RASSF1: variants seen among roughly 807,000 people sequenced by gnomAD.
The protein encoded by RASSF1 is ras association domain-containing protein 1.
Under a neutral mutation model 34.3 loss-of-function variants are expected in RASSF1, and 33 were observed. The observed-to-expected ratio is 0.96, with a 90% CI of 0.73 to 1.29. The LOEUF is 1.29. RASSF1 is among the 50% of genes most tolerant of loss of function. The probability of loss-of-function intolerance (pLI) is 0.00; values close to 1 mark genes in which losing one functional copy is unlikely to be tolerated. For missense variants in RASSF1, 445 were observed against 471.8 expected (o/e 0.94, Z 0.53); for synonymous variants, 191 against 195.0 (o/e 0.98, Z 0.17).
Position 50,337,463 on chromosome 3 carries a change from G to A in RASSF1, c.357+442C>T, listed in dbSNP as rs1200561420. The A allele has an allele frequency of 2.6e-6, 4 of 1,561,384 alleles. No individual in the cohort carries two copies. In the African/African-American group the frequency reaches 4.0e-5, roughly 16 times the overall value. Reference sequence around the variant, plus strand: ...AACCGTTAAGACTGAAACGTAGATCGCCGGGATCTAGCTCTTGTCTCATTG... The same window carrying A: ...AACCGTTAAGACTGAAACGTAGATCACCGGGATCTAGCTCTTGTCTCATTG... On this transcript the variant is annotated intron_variant, in intron 2 of 5. Coordinates refer to ENST00000359365, the MANE Select transcript of RASSF1 (RefSeq NM_007182.5).
chr3:50,330,724 C>T lies in RASSF1; in HGVS notation c.880G>A (p.Asp294Asn). Residue 294 changes from aspartate (D) to asparagine (N), a missense_variant, in exon 6 of 6, where the codon GAC becomes AAC. Transcript: ENST00000359365. This position sits in a 1 kb window ranked among gnomAD's most constrained non-coding sequence, Gnocchi z 4.5. Reference protein sequence around the residue: ...KENDSGEVNWDAFSMPELHNF... With the variant: ...KENDSGEVNWNAFSMPELHNF... ...TGTAGTTCAGGCATGCTGAAGGCGT[C>T]CCACTGCAAGGGGCAAAAGGGGAGT... The T allele has an allele frequency of 6.2e-7, 1 of 1,613,834 alleles. No individual in the cohort carries two copies.
chr3:50,340,707 G>T lies in RASSF1; in HGVS notation c.99C>A (p.Arg33=). ...RTRLERANAL[R]IARGTACNPT... is the part of the protein sequence containing the mutation. ...GGTTGCACGCGGTGCCCCGCGCGATGCGCAGCGCGTTGGCACGCTCCAGCC... is the reference window on the plus strand; with the variant it reads ...GGTTGCACGCGGTGCCCCGCGCGATTCGCAGCGCGTTGGCACGCTCCAGCC... The change falls in exon 1 of 6, where the codon CGC becomes CGA. Residue 33 remains arginine (R), a synonymous_variant. Coordinates refer to ENST00000359365, the MANE Select transcript of RASSF1 (RefSeq NM_007182.5). 6.5e-7 allele frequency: 1 copy of T among 1,528,176 alleles called. No individual in the cohort carries two copies. 94.7% of individuals were successfully genotyped at this position (1,528,176 alleles called of 1,614,324 possible).
chr3:50,331,738 C>T lies in RASSF1; in HGVS notation c.581G>A (p.Arg194Gln), dbSNP rs142284228. 133 of 1,611,582 alleles carry T rather than the reference C, an allele frequency of 8.3e-5. No homozygotes were observed. The highest frequency in any genetic ancestry group is 1.1e-4 in the Non-Finnish European group (124 of 1,178,166). The change falls in exon 4 of 6, where the codon CGG (arginine) becomes CAG (glutamine). Residue 194 changes from arginine (R) to glutamine (Q), a missense_variant. By Grantham distance (43) the Arg-to-Gln change is conservative (BLOSUM62 1). Coordinates refer to ENST00000359365, the MANE Select transcript of RASSF1 (RefSeq NM_007182.5). ...SLQDARRGPGRGTSVRRRTSF... is the reference protein window; with the variant it reads ...SLQDARRGPGQGTSVRRRTSF... ...AGTGCGGCGCCTGACACTTGTGCCC[C>T]GTCCTGGGCCCCGCCGGGCATCCTG...
chr3:50,332,396 A>C (rs587705097), intron 2 of RASSF1, among the ~76,000 whole-genome samples: 8 of 152,342 alleles, frequency 5.3e-5, no homozygotes, highest in African/African-American at 1.9e-4. Context: ...CTCAGCACTG[A>C]ATGTAGCCTT....
chr3:50,337,974 G>C lies in RASSF1; in HGVS notation c.288C>G (p.Leu96=). ...KFTCHYRCRA[L]VCLDCCGPRD... is the part of the protein sequence containing the mutation. ...GGGGCCCGCAACAGTCCAGGCAGAC[G>C]AGCGCGCGGCAGCGGTAGTGGCAGG... Residue 96 remains leucine (L), a synonymous_variant, in exon 2 of 6, where the codon CTC becomes CTG. Transcript: ENST00000359365. 1 of 1,608,846 alleles carries C rather than the reference G, an allele frequency of 6.2e-7. No homozygotes were observed. Among genetic ancestry groups the C allele is most frequent in the Non-Finnish European group, 8.5e-7 (1 of 1,177,798 alleles).
rs1172746029 is a variant in RASSF1, at chr3:50,340,760, C to T, written c.46G>A (p.Ala16Thr). The T allele has an allele frequency of 2.0e-6, 3 of 1,512,024 alleles. No homozygotes were observed. The highest frequency in any genetic ancestry group is 2.8e-5 in the East Asian group (1 of 36,048). 93.7% of individuals were successfully genotyped at this position (1,512,024 alleles called of 1,614,324 possible). Reference protein sequence around the residue: ...ELIELRELAPAGRAGKGRTRL... With the variant: ...ELIELRELAPTGRAGKGRTRL... ...GTGCGGCCCTTCCCAGCGCGCCCAGCGGGTGCCAGCTCCCGCAGCTCAATG... is the reference window on the plus strand; with the variant it reads ...GTGCGGCCCTTCCCAGCGCGCCCAGTGGGTGCCAGCTCCCGCAGCTCAATG... Residue 16 changes from alanine to threonine, a missense_variant, in exon 1 of 6, where the codon GCT becomes ACT. Coordinates refer to ENST00000359365, the MANE Select transcript of RASSF1 (RefSeq NM_007182.5).
At chr3:50,340,497 A>C (rs1703324856) in intron 1 of RASSF1, 59 bp downstream of exon 1, 1 of 1,390,182 alleles carries the variant, frequency 7.2e-7, no homozygotes, top group African/African-American at 1.5e-5. Flanking sequence ...ACCCGCGGCG[A>C]CTGCGCTGCC....
intron 1 of RASSF1, 25 bp from the exon 2 acceptor site, chr3:50,338,036 C>T: frequency 1.3e-6 from 2 of 1,557,494 alleles, no homozygotes; most frequent in Non-Finnish European, 1.7e-6. Context: ...GGCGGTGAGG[C>T]GGAGGAGCTC....
At chr3:50,335,317 T>C (rs866782534) in intron 2 of RASSF1, among the ~76,000 whole-genome samples, 210 of 143,784 alleles carry the variant, frequency 1.5e-3, no homozygotes, top group Non-Finnish European at 2.3e-3. Context: ...TTCTTTCTTT[T>C]TTTTTTTTTT....
chr3:50,339,159 G>A (rs1421542778), intron 1 of RASSF1, among the ~76,000 whole-genome samples: 2 of 152,104 alleles, frequency 1.3e-5, no homozygotes, highest in East Asian at 1.9e-4. Context: ...CTTTTCTTCA[G>A]CCTCACTGCT....
intron 2 of RASSF1, chr3:50,337,616 C>G: frequency 1.8e-6 from 2 of 1,128,952 alleles, no homozygotes; most frequent in South Asian, 3.0e-5. Flanking sequence ...CGGGCAAGCG[C>G]ACAAGAGTGG....
At chr3:50,337,592 C>T in intron 2 of RASSF1, 1 of 1,264,814 alleles carries the variant, frequency 7.9e-7, no homozygotes, top group Non-Finnish European at 1.1e-6. Context: ...GGAACGGGGG[C>T]GGGTGCCAGC....
intron 2 of RASSF1, among the ~76,000 whole-genome samples, chr3:50,333,439 T>C (rs1286497844): frequency 6.6e-6 from 1 of 152,154 alleles, no homozygotes; most frequent in Admixed American, 6.5e-5. Context: ...TCCTGGTGGG[T>C]TTCTGCACCT....
rs1264442279 is a variant in RASSF1 at position 50,340,810 on chromosome 3, C to T, written c.-5G>A. The T allele has an allele frequency of 4.7e-6, 7 of 1,492,052 alleles. No individual in the cohort carries two copies. Among genetic ancestry groups the T allele is most frequent in the East Asian group, 2.8e-5 (1 of 35,708 alleles). 92.4% of individuals were successfully genotyped at this position (1,492,052 alleles called of 1,614,324 possible). A position where few individuals can be genotyped will look rare whatever the true frequency, so the allele number is the denominator to read the frequency against. The stretch of plus-strand genomic sequence containing the variant: ...GAGCTCAGGCTCCCCCGACATGGCC[C>T]GGTTGGGCCCGTGCTTCGCTGGCTT... On this transcript the variant is annotated 5_prime_UTR_variant, in exon 1 of 6. Transcript: ENST00000359365.
At chr3:50,337,812 C>A in intron 2 of RASSF1, 93 bp downstream of exon 2, 2 of 1,276,022 alleles carry the variant, frequency 1.6e-6, no homozygotes, top group East Asian at 2.4e-5. Flanking sequence ...TTAGAACGCT[C>A]CTTGCGCGCG....
Position 50,340,036 on chromosome 3 carries a change from G to A in RASSF1, c.250+520C>T, listed in dbSNP as rs58601436. 6.8e-3 allele frequency among the ~76,000 whole-genome samples: 1,036 copies of A among 152,308 alleles called. 11 individuals are homozygous for A. Among genetic ancestry groups the A allele is most frequent in the African/African-American group, 0.024 (985 of 41,550 alleles). On this transcript the variant is annotated intron_variant, in intron 1 of 5. Coordinates refer to ENST00000359365, the MANE Select transcript of RASSF1 (RefSeq NM_007182.5). ...CCCAGGGGTGCAGAAGGACTGCTGG[G>A]TGTGTGGCTGCGTGCATATTTTAGC...
At chr3:50,336,381 C>A (rs994167276) in intron 2 of RASSF1, 1 of 152,216 alleles carries the variant, frequency 6.6e-6, no homozygotes, top group Non-Finnish European at 1.5e-5. Flanking sequence ...GTTCTCTGAG[C>A]CTGGTGGTCA....
At chr3:50,337,606 C>G (rs587633583) in intron 2 of RASSF1, 109 of 1,189,650 alleles carry the variant, frequency 9.2e-5, no homozygotes, top group African/African-American at 7.8e-4. Context: ...TGCCAGCGTC[C>G]GGGCAAGCGC....
chr3:50,332,255 C>T, intron 2 of RASSF1, 101 bp from the exon 3 acceptor site: 2 of 953,020 alleles, frequency 2.1e-6, no homozygotes, highest in Admixed American at 2.0e-5. Flanking sequence ...TGCCTTTGGC[C>T]CCCTGTCCCT....
Sources: allele counts gnomAD v4.1 joint callset (sites outside exome capture counted in the v4.1 genomes callset), GRCh38; gene constraint gnomAD v4.1.1; non-coding constraint Gnocchi (gnomAD v3.1); transcripts MANE v1.5; gene names NCBI Gene and HGNC (gene_info 2026-07-23, HGNC 2026-07-21).